RSPO2: variants seen among roughly 807,000 people sequenced by gnomAD.
RSPO2 encodes the protein R-spondin-2.
RSPO2 carries 14 observed loss-of-function variants against 30.9 expected under a neutral mutation model. The observed-to-expected ratio is 0.45, with a 90% CI of 0.30 to 0.71. The LOEUF (loss-of-function observed/expected upper bound fraction) is 0.71, where lower values mean the gene tolerates loss of function less well. Ranked by LOEUF, RSPO2 falls within the 30% of genes least tolerant of loss-of-function variation. RSPO2 has a pLI of 0.08. For synonymous variants in RSPO2, 107 were observed against 96.4 expected (o/e 1.11, Z -0.64); for missense variants, 264 against 301.9 (o/e 0.87, Z 0.93).
intron 2 of RSPO2, among the ~76,000 whole-genome samples, chr8:108,015,397 G>C (rs1256051444): frequency 6.6e-6 from 1 of 152,100 alleles, no homozygotes; most frequent in African/African-American, 2.4e-5. Context: ...CCTATCTTGA[G>C]AATTTTTGCT....
chr8:107,940,274 A>C, intron 5 of RSPO2, among the ~76,000 whole-genome samples: 1 of 150,772 alleles, frequency 6.6e-6, no homozygotes, highest in Non-Finnish European at 1.5e-5. Flanking sequence ...AATGTAAAAC[A>C]CCAGGTTTCG....
At chr8:107,950,444 TA>T (rs1304548985) in intron 5 of RSPO2, among the ~76,000 whole-genome samples, 1 of 151,894 alleles carries the variant, frequency 6.6e-6, no homozygotes, top group Non-Finnish European at 1.5e-5. Context: ...CCTGAGCTCT[TA>T]TTCTAATTTA....
chr8:108,003,200 C>T (rs532306980), intron 2 of RSPO2, among the ~76,000 whole-genome samples: 4 of 143,854 alleles, frequency 2.8e-5, no homozygotes, highest in African/African-American at 1.0e-4. Context: ...TACAGGCATG[C>T]ACCATCACAC....
chr8:108,003,735 C>T (rs1214697982), intron 2 of RSPO2, among the ~76,000 whole-genome samples: 3 of 152,030 alleles, frequency 2.0e-5, no homozygotes, highest in African/African-American at 7.2e-5. Context: ...CAGGTTTTCA[C>T]ACTTTTTGAA....
intron 2 of RSPO2, among the ~76,000 whole-genome samples, chr8:108,034,023 A>G (rs1043993012): frequency 1.3e-5 from 2 of 152,234 alleles, no homozygotes; most frequent in African/African-American, 2.4e-5. Context: ...ATGGAATGCA[A>G]TGTGAAAAGT....
intron 2 of RSPO2, among the ~76,000 whole-genome samples, chr8:108,002,922 AATACT>A (rs2130562847): frequency 6.6e-6 from 1 of 152,290 alleles, no homozygotes; most frequent in African/African-American, 2.4e-5. Flanking sequence ...GTTATTATGG[AATACT>A]ATACTATCAT....
Position 107,991,048 on chromosome 8 carries a change from C to T in RSPO2, c.95-1804G>A, listed in dbSNP as rs1445479142. Among the ~76,000 whole-genome samples the T allele has an allele frequency of 1.1e-4, 16 of 152,172 alleles. No individual in the cohort carries two copies. In the East Asian group the frequency reaches 1.9e-3, roughly 18 times the overall value. On this transcript the variant is annotated intron_variant, in intron 2 of 5. Coordinates refer to ENST00000276659, the MANE Select transcript of RSPO2 (RefSeq NM_178565.5). ...GAGTTTGGGATCAGCCTGACCAACA[C>T]GGAGAAACCCTATCTCTACAAAAAA...
At chr8:107,911,014 G>C (rs1157224113) in intron 5 of RSPO2, among the ~76,000 whole-genome samples, 1 of 152,168 alleles carries the variant, frequency 6.6e-6, no homozygotes, top group East Asian at 1.9e-4. Flanking sequence ...TTGGAGCAAA[G>C]ATATAAGGGC....
At chr8:107,915,137 A>G (rs994371658) in intron 5 of RSPO2, among the ~76,000 whole-genome samples, 1 of 152,194 alleles carries the variant, frequency 6.6e-6, no homozygotes, top group African/African-American at 2.4e-5. Flanking sequence ...CATAGAACAC[A>G]TCTGGGCATA....
rs796467359 is a variant in RSPO2 at position 108,066,452 on chromosome 8, T to C, written c.94+16093A>G. On this transcript the variant is annotated intron_variant, in intron 2 of 5. Transcript: ENST00000276659. ...CCTGTTAGCAAAAACCAACAAGTCTTTTTTTTTTAATGTCATTTTACTACT... is the reference window on the plus strand; with the variant it reads ...CCTGTTAGCAAAAACCAACAAGTCTCTTTTTTTTAATGTCATTTTACTACT... 1.2e-4 allele frequency among the ~76,000 whole-genome samples: 9 copies of C among 74,852 alleles called. 1 individual carries two copies. Among genetic ancestry groups the C allele is most frequent in the African/African-American group, 6.7e-4 (8 of 12,014 alleles). The allele number at this position is 74,852 out of a possible 152,430, so 49.1% of individuals were successfully genotyped here. A position where few individuals can be genotyped will look rare whatever the true frequency, so the allele number is the denominator to read the frequency against.
intron 3 of RSPO2, among the ~76,000 whole-genome samples, chr8:107,967,823 A>G (rs1407524402): frequency 6.6e-6 from 1 of 152,182 alleles, no homozygotes; most frequent in Non-Finnish European, 1.5e-5. Flanking sequence ...CAAATAGTAC[A>G]GTGGTTAGCA....
At chr8:108,069,059 G>C (rs542766022) in intron 2 of RSPO2, among the ~76,000 whole-genome samples, 9 of 152,318 alleles carry the variant, frequency 5.9e-5, no homozygotes, top group Admixed American at 2.0e-4. Flanking sequence ...GTTTATTCTT[G>C]AATCTAGGTA....
At chr8:107,944,582 T>C (rs1222215540) in intron 5 of RSPO2, among the ~76,000 whole-genome samples, 4 of 152,174 alleles carry the variant, frequency 2.6e-5, no homozygotes, top group Admixed American at 2.6e-4. Context: ...AAATCTTAAT[T>C]GCATTACATC....
chr8:108,057,882 C>A (rs557106279), intron 2 of RSPO2, among the ~76,000 whole-genome samples: 13 of 152,278 alleles, frequency 8.5e-5, no homozygotes, highest in South Asian at 2.1e-4. Context: ...TGGACTGAGA[C>A]AATGGGGTTT....
chr8:107,949,023 TC>T (rs1279992462), intron 5 of RSPO2, among the ~76,000 whole-genome samples: 10 of 151,600 alleles, frequency 6.6e-5, no homozygotes, highest in Non-Finnish European at 1.3e-4. Context: ...GGGAGGTTTT[TC>T]CCCCTAATAG....
intron 2 of RSPO2, among the ~76,000 whole-genome samples, chr8:108,040,778 G>A (rs1190774048): frequency 6.6e-6 from 1 of 152,112 alleles, no homozygotes; most frequent in Non-Finnish European, 1.5e-5. Flanking sequence ...CAGGAGTGCT[G>A]ATAATGTGAA....
intron 3 of RSPO2, among the ~76,000 whole-genome samples, chr8:107,981,104 T>C (rs892260978): frequency 6.6e-6 from 1 of 152,250 alleles, no homozygotes; most frequent in Admixed American, 6.5e-5. Flanking sequence ...GAATTTATGG[T>C]ACTTAGAATA....
At chr8:108,049,144 T>G (rs1206016811) in intron 2 of RSPO2, among the ~76,000 whole-genome samples, 2 of 151,894 alleles carry the variant, frequency 1.3e-5, no homozygotes, top group Non-Finnish European at 2.9e-5. Context: ...AAATACCTAA[T>G]GTAAATGATG....
intron 5 of RSPO2, among the ~76,000 whole-genome samples, chr8:107,936,183 T>A (rs536405581): frequency 5.3e-5 from 8 of 152,306 alleles, no homozygotes; most frequent in African/African-American, 1.7e-4. Flanking sequence ...CTTCTACATA[T>A]GAGAACATGT....
Sources: gnomAD v4.1 joint callset for allele counts (sites outside exome capture counted in the v4.1 genomes callset) on GRCh38, gnomAD v4.1.1 for gene constraint, MANE v1.5 for transcripts, NCBI Gene and HGNC (gene_info 2026-07-23, HGNC 2026-07-21) for gene names.